Variants in PCNX2 observed in about 807,000 individuals in gnomAD.
PCNX2 encodes the protein pecanex-like protein 2.
Under a neutral mutation model 223.8 loss-of-function variants are expected in PCNX2, and 168 were observed. The observed-to-expected ratio is 0.75, with a 90% CI of 0.66 to 0.85. The LOEUF (loss-of-function observed/expected upper bound fraction) is 0.85. Ranked by LOEUF, PCNX2 falls within the 40% of genes least tolerant of loss-of-function variation. The pLI is 0.00. For synonymous variants in PCNX2, 1,006 were observed against 1,052.6 expected, an observed-to-expected ratio of 0.96 and a Z score of 0.86; for missense variants, 2,507 against 2,675.5, an observed-to-expected ratio of 0.94 and a Z score of 1.39.
chr1:233,301,558 A>G, the PCNX2 span, among the ~76,000 whole-genome samples: 1 of 152,218 alleles, frequency 6.6e-6, no homozygotes, highest in African/African-American at 2.4e-5. Context: ...GAGTCCAGCA[A>G]CATATAAAAA....
chr1:233,041,744 C>T (rs898768716), intron 25 of PCNX2, among the ~76,000 whole-genome samples: 1 of 152,180 alleles, frequency 6.6e-6, no homozygotes, highest in African/African-American at 2.4e-5. Context: ...AGTATTTATT[C>T]ACTATATTAA....
intron 10 of PCNX2, 77 bp downstream of exon 10, chr1:233,227,149 C>T: frequency 6.9e-6 from 10 of 1,446,182 alleles, no homozygotes; most frequent in Non-Finnish European, 9.2e-6. Context: ...ACAATGTTCT[C>T]TTTGAAAGCA....
chr1:233,095,923 CA>C (rs1674137435), intron 21 of PCNX2, 60 bp from the exon 22 acceptor site: 16 of 1,251,496 alleles, frequency 1.3e-5, no homozygotes, highest in Non-Finnish European at 1.8e-5. Context: ...GTAACTGCAT[CA>C]AGGTCACTTA....
intron 25 of PCNX2, among the ~76,000 whole-genome samples, chr1:233,026,317 C>A (rs1488736623): frequency 1.3e-5 from 2 of 152,108 alleles, no homozygotes; most frequent in Non-Finnish European, 2.9e-5. Context: ...GTTCCTAGAG[C>A]AGCACGAAAG....
intron 19 of PCNX2, among the ~76,000 whole-genome samples, chr1:233,153,760 G>GA (rs1397995583): frequency 6.6e-6 from 1 of 152,134 alleles, no homozygotes; most frequent in Non-Finnish European, 1.5e-5. Context: ...TCTGTACAGG[G>GA]AAAATCAGAA....
At chr1:233,016,804 T>A in intron 27 of PCNX2, 117 bp downstream of exon 27, 1 of 1,453,264 alleles carries the variant, frequency 6.9e-7, no homozygotes, top group South Asian at 1.5e-5. Flanking sequence ...ATAGTGCTTT[T>A]TTTCTATCCT....
At chr1:233,203,968 C>G (rs1441597906) in intron 13 of PCNX2, among the ~76,000 whole-genome samples, 2 of 152,240 alleles carry the variant, frequency 1.3e-5, no homozygotes, top group Non-Finnish European at 2.9e-5. Flanking sequence ...AAAAATGTCA[C>G]ATGGACCTAA....
intron 22 of PCNX2, among the ~76,000 whole-genome samples, chr1:233,093,088 T>C (rs373236127): frequency 4.1e-4 from 63 of 152,318 alleles, no homozygotes; most frequent in South Asian, 3.3e-3. Flanking sequence ...CGTGAGCCAC[T>C]GTGCCCAGCC....
chr1:233,323,301 A>C, the PCNX2 span, among the ~76,000 whole-genome samples: 3 of 152,216 alleles, frequency 2.0e-5, no homozygotes, highest in African/African-American at 7.2e-5. Flanking sequence ...TTTGTGTACT[A>C]TCATACTAAA....
intron 1 of PCNX2, among the ~76,000 whole-genome samples, chr1:233,270,745 C>T (rs1462431686): frequency 1.3e-5 from 2 of 152,084 alleles, no homozygotes; most frequent in African/African-American, 4.8e-5. Flanking sequence ...AGCTCCTGGA[C>T]CTCTTTCTTA....
intron 21 of PCNX2, among the ~76,000 whole-genome samples, chr1:233,104,893 T>G (rs1167786904): frequency 1.3e-5 from 2 of 152,038 alleles, no homozygotes; most frequent in Non-Finnish European, 2.9e-5. Context: ...TTGCATGTAA[T>G]AAAAACAATG....
the PCNX2 span, among the ~76,000 whole-genome samples, chr1:233,322,218 A>C: frequency 2.0e-5 from 3 of 152,130 alleles, no homozygotes; most frequent in Non-Finnish European, 4.4e-5. Flanking sequence ...CCATCTGTTT[A>C]AATATACATT....
At chr1:233,008,709 G>A (rs544598228) in intron 28 of PCNX2, among the ~76,000 whole-genome samples, 14 of 152,334 alleles carry the variant, frequency 9.2e-5, no homozygotes, top group African/African-American at 3.4e-4. Flanking sequence ...GGCACGGAGG[G>A]TGCACAGTGG....
intron 26 of PCNX2, among the ~76,000 whole-genome samples, chr1:233,020,940 AAAT>A (rs1185594804): frequency 1.3e-5 from 2 of 152,224 alleles, no homozygotes; most frequent in Non-Finnish European, 2.9e-5. Flanking sequence ...TCCAGTAAGA[AAAT>A]AATAAACAGA....
intron 21 of PCNX2, among the ~76,000 whole-genome samples, chr1:233,119,390 T>C (rs1218203768): frequency 1.0e-5 from 1 of 97,924 alleles, no homozygotes; most frequent in Non-Finnish European, 1.9e-5. Context: ...AAACCCCGTC[T>C]CTACTAAAAA....
At chr1:233,218,865 G>A (rs978112826) in intron 10 of PCNX2, among the ~76,000 whole-genome samples, 3 of 152,144 alleles carry the variant, frequency 2.0e-5, no homozygotes, top group Non-Finnish European at 2.9e-5. Flanking sequence ...ATGGAAGGGG[G>A]TGGTAAGGGG....
At chr1:233,029,614 A>G (rs1671197984) in intron 25 of PCNX2, among the ~76,000 whole-genome samples, 1 of 151,934 alleles carries the variant, frequency 6.6e-6, no homozygotes. Context: ...ATCTGAAAAT[A>G]TATCTTAATT....
In PCNX2 at chr1:233,258,287, C is replaced by CTTT. The variant is rs1325799566; in HGVS notation, c.1572_1574dup (p.Lys525dup). ...CCACACTGAGCACCCGGGCATGCCTCTTTTCATGGCTGGACTTACAAGACG... is the reference window on the plus strand; with the variant it reads ...CCACACTGAGCACCCGGGCATGCCTCTTTTTTTCATGGCTGGACTTACAAGACG... On this transcript the variant is annotated inframe_insertion, in exon 5 of 34. Coordinates refer to ENST00000258229, the MANE Select transcript of PCNX2 (RefSeq NM_014801.4). 1 of 1,614,056 alleles carries CTTT rather than the reference C, an allele frequency of 6.2e-7. No individual in the cohort carries two copies. Among genetic ancestry groups the CTTT allele is most frequent in the Non-Finnish European group, 8.5e-7 (1 of 1,179,904 alleles).
At chr1:233,235,838 G>T (rs576831138) in intron 9 of PCNX2, among the ~76,000 whole-genome samples, 1 of 151,656 alleles carries the variant, frequency 6.6e-6, no homozygotes, top group Non-Finnish European at 1.5e-5. Context: ...CTGACCTCAG[G>T]TGATCCATCC....
Sources: gnomAD v4.1 joint callset for allele counts (sites outside exome capture counted in the v4.1 genomes callset) on GRCh38, gnomAD v4.1.1 for gene constraint, MANE v1.5 for transcripts, NCBI Gene and HGNC (gene_info 2026-07-23, HGNC 2026-07-21) for gene names.